TRABD2A: variants seen among roughly 807,000 people sequenced by gnomAD.
The protein encoded by TRABD2A is TraB domain containing 2A, also known as metalloprotease TIKI1.
Under a neutral mutation model 45.6 loss-of-function variants are expected in TRABD2A, and 43 were observed. That is an observed-to-expected ratio of 0.94 (90% CI 0.74 to 1.22). The LOEUF (loss-of-function observed/expected upper bound fraction) is 1.22. Among genes scored for constraint, TRABD2A ranks in the 50% most tolerant of loss-of-function variants. The probability of loss-of-function intolerance (pLI) is 0.00; values close to 1 mark genes in which losing one functional copy is unlikely to be tolerated. For synonymous variants in TRABD2A, 269 were observed against 265.0 expected (o/e 1.02, Z -0.15); for missense variants, 642 against 652.4 (o/e 0.98, Z 0.17).
chr2:84,857,274 T>C (rs1573940997), intron 2 of TRABD2A, among the ~76,000 whole-genome samples: 1 of 152,228 alleles, frequency 6.6e-6, no homozygotes, highest in East Asian at 1.9e-4. Context: ...CTAGTAAATG[T>C]CCAGCCTCTA....
chr2:84,858,229 C>T (rs954265184), intron 2 of TRABD2A, among the ~76,000 whole-genome samples: 4 of 152,096 alleles, frequency 2.6e-5, no homozygotes, highest in Non-Finnish European at 5.9e-5. Context: ...ATGCATAGAA[C>T]ACACCTGAGT....
At chr2:84,876,673 A>T (rs1683035053) in intron 1 of TRABD2A, among the ~76,000 whole-genome samples, 1 of 152,214 alleles carries the variant, frequency 6.6e-6, no homozygotes, top group African/African-American at 2.4e-5. Context: ...CAGCCTTAAC[A>T]TGCAATAGAC....
intron 5 of TRABD2A, among the ~76,000 whole-genome samples, chr2:84,828,309 C>G (rs1681207818): frequency 6.6e-6 from 1 of 152,188 alleles, no homozygotes. Flanking sequence ...GCTGGCAGGG[C>G]CTTAAGTAAG....
At chr2:84,870,961 A>T (rs2105409712) in intron 1 of TRABD2A, among the ~76,000 whole-genome samples, 176 bp from the exon 2 acceptor site, 1 of 152,278 alleles carries the variant, frequency 6.6e-6, no homozygotes, top group Non-Finnish European at 1.5e-5. Flanking sequence ...AATAGACAGG[A>T]GCAAATTATG....
intron 2 of TRABD2A, among the ~76,000 whole-genome samples, chr2:84,857,182 G>A (rs142746083): frequency 3.7e-4 from 56 of 152,304 alleles, no homozygotes; most frequent in African/African-American, 1.3e-3. Context: ...GCCCAAGCAG[G>A]CTAATACACT....
intron 2 of TRABD2A, among the ~76,000 whole-genome samples, chr2:84,858,969 T>TA (rs980604742): frequency 2.0e-5 from 3 of 151,948 alleles, no homozygotes; most frequent in African/African-American, 7.3e-5. Flanking sequence ...TCTACAGAAA[T>TA]AAAAAATTTT....
chr2:84,846,447 A>G (rs1681899597), intron 2 of TRABD2A, among the ~76,000 whole-genome samples: 1 of 152,168 alleles, frequency 6.6e-6, no homozygotes, highest in Admixed American at 6.5e-5. Context: ...AGATCAAGAG[A>G]TACAGTGCCT....
chr2:84,864,803 C>T (rs984535274), intron 2 of TRABD2A, among the ~76,000 whole-genome samples: 1 of 152,156 alleles, frequency 6.6e-6, no homozygotes, highest in African/African-American at 2.4e-5. Flanking sequence ...ATGGTATCCC[C>T]GGGATCCTCT....
chr2:84,878,375 AT>A (rs1683093963), intron 1 of TRABD2A, among the ~76,000 whole-genome samples: 1 of 152,026 alleles, frequency 6.6e-6, no homozygotes, highest in Non-Finnish European at 1.5e-5. Context: ...AAATACAAAA[AT>A]TAGCCGGGCT....
intron 5 of TRABD2A, among the ~76,000 whole-genome samples, chr2:84,824,619 T>G (rs1212035284): frequency 3.4e-5 from 5 of 145,564 alleles, no homozygotes; most frequent in African/African-American, 5.1e-5. Flanking sequence ...GGCCCAATCA[T>G]AGCTCACTGT....
chr2:84,825,783 C>A (rs1681129517), intron 5 of TRABD2A, among the ~76,000 whole-genome samples: 1 of 152,066 alleles, frequency 6.6e-6, no homozygotes, highest in Non-Finnish European at 1.5e-5. Flanking sequence ...AACCATATTA[C>A]CACCTGAGCT....
At chr2:84,879,773 G>A (rs1357841428) in intron 1 of TRABD2A, among the ~76,000 whole-genome samples, 2 of 152,162 alleles carry the variant, frequency 1.3e-5, no homozygotes, top group African/African-American at 4.8e-5. Flanking sequence ...CTTGGTAGAG[G>A]GCCGTCCGCA....
At chr2:84,831,608 T>G (rs1299286285) in intron 5 of TRABD2A, among the ~76,000 whole-genome samples, 1 of 151,472 alleles carries the variant, frequency 6.6e-6, no homozygotes, top group Non-Finnish European at 1.5e-5. Context: ...CTCCTGCCCC[T>G]GAGAAGGGTG....
intron 5 of TRABD2A, among the ~76,000 whole-genome samples, chr2:84,827,454 C>G (rs2105371183): frequency 6.6e-6 from 1 of 152,316 alleles, no homozygotes; most frequent in South Asian, 2.1e-4. Context: ...GTGCTGAGCA[C>G]ACAGTAGATC....
intron 4 of TRABD2A, chr2:84,834,783 A>C (rs529567255): frequency 6.6e-6 from 1 of 152,230 alleles, no homozygotes; most frequent in East Asian, 1.9e-4. Flanking sequence ...TTATTTATCC[A>C]TGTCAGTTGA....
At chr2:84,872,977 T>TG (rs1682911639) in intron 1 of TRABD2A, among the ~76,000 whole-genome samples, 1 of 151,758 alleles carries the variant, frequency 6.6e-6, no homozygotes. Context: ...TAGCCAGGTG[T>TG]GGTGGCCTGC....
rs1036190259 is a variant in TRABD2A at position 84,857,784 on chromosome 2, A to G, written c.669+12441T>C. 5.9e-5 allele frequency among the ~76,000 whole-genome samples: 9 copies of G among 152,326 alleles called. No individual in the cohort carries two copies. In the South Asian group the frequency reaches 1.9e-3, roughly 32 times the overall value. On this transcript the variant is annotated intron_variant, in intron 2 of 6. Transcript: ENST00000409520. The stretch of plus-strand genomic sequence containing the variant: ...AGAGGCAACCTCCAACACCACTGCC[A>G]GGTAGATGGGTGTCTCCCCCTACCC...
chr2:84,837,804 A>T (rs1381851635), intron 4 of TRABD2A: 1 of 159,070 alleles, frequency 6.3e-6, no homozygotes, highest in Non-Finnish European at 1.4e-5. Flanking sequence ...GAGGTGAGAG[A>T]TTAGGACCTT....
intron 2 of TRABD2A, among the ~76,000 whole-genome samples, chr2:84,855,851 G>A (rs1363762814): frequency 1.3e-5 from 2 of 152,120 alleles, no homozygotes; most frequent in African/African-American, 4.8e-5. Context: ...TGGGTGAGGG[G>A]GTTCGAGTCC....
Sources: allele counts gnomAD v4.1 joint callset (sites outside exome capture counted in the v4.1 genomes callset), GRCh38; gene constraint gnomAD v4.1.1; transcripts MANE v1.5; gene names NCBI Gene and HGNC (gene_info 2026-07-23, HGNC 2026-07-21).